Variants in TUSC3 observed in about 807,000 individuals in gnomAD.
The protein encoded by TUSC3 is dolichyl-diphosphooligosaccharide--protein glycosyltransferase subunit TUSC3.
Under a neutral mutation model 44.8 loss-of-function variants are expected in TUSC3, and 45 were observed. That is an observed-to-expected ratio of 1.00 (90% CI 0.79 to 1.29). The LOEUF (loss-of-function observed/expected upper bound fraction) is 1.29. Among genes scored for constraint, TUSC3 ranks in the 50% most tolerant of loss-of-function variants. TUSC3 has a pLI of 0.00. For synonymous variants in TUSC3, 212 were observed against 152.9 expected, an observed-to-expected ratio of 1.39 and a Z score of -2.85; for missense variants, 519 against 437.9, an observed-to-expected ratio of 1.19 and a Z score of -1.65.
intron 2 of TUSC3, among the ~76,000 whole-genome samples, chr8:15,496,370 T>G (rs759957310): frequency 9.9e-5 from 15 of 152,218 alleles, no homozygotes; most frequent in Non-Finnish European, 2.2e-4. Context: ...AACTGTGAAT[T>G]TGTGCTGTCT....
At chr8:15,491,332 C>A (rs375869381) in intron 2 of TUSC3, among the ~76,000 whole-genome samples, 1 of 152,002 alleles carries the variant, frequency 6.6e-6, no homozygotes, top group Non-Finnish European at 1.5e-5. Flanking sequence ...GTGAGTAATA[C>A]GTGAGGGAGG....
At chr8:15,754,198 AG>A (rs1811825343) in intron 9 of TUSC3, among the ~76,000 whole-genome samples, 1 of 152,114 alleles carries the variant, frequency 6.6e-6, no homozygotes, top group Non-Finnish European at 1.5e-5. Flanking sequence ...ATACTCCCGA[AG>A]GTATTTCCTG....
chr8:15,810,099 G>C, the TUSC3 span, among the ~76,000 whole-genome samples: 1 of 152,114 alleles, frequency 6.6e-6, no homozygotes, highest in Non-Finnish European at 1.5e-5. Context: ...GGTTCTCATA[G>C]TGTGTCCTTG....
At chr8:15,726,255 A>C (rs1810489917) in intron 6 of TUSC3, among the ~76,000 whole-genome samples, 1 of 152,138 alleles carries the variant, frequency 6.6e-6, no homozygotes, top group African/African-American at 2.4e-5. Context: ...TGATATTGCC[A>C]TATAAGAGGT....
intron 10 of TUSC3, among the ~76,000 whole-genome samples, chr8:15,763,932 A>G (rs981554387): frequency 2.6e-5 from 4 of 152,074 alleles, no homozygotes; most frequent in Non-Finnish European, 5.9e-5. Context: ...TGTTCTAGCC[A>G]GCAATGAAAG....
At chr8:15,659,685 G>A (rs763666128) in intron 4 of TUSC3, 38 bp downstream of exon 4, 1 of 1,607,518 alleles carries the variant, frequency 6.2e-7, no homozygotes, top group Admixed American at 1.7e-5. Context: ...TAATAGGCTG[G>A]TTAGTTTGTT....
chr8:15,430,014 C>T (rs992057435), intron 1 of TUSC3, among the ~76,000 whole-genome samples: 2 of 151,454 alleles, frequency 1.3e-5, no homozygotes, highest in South Asian at 2.1e-4. Context: ...AAATCCAGGA[C>T]CAGATGGATT....
chr8:15,793,920 T>G, the TUSC3 span, among the ~76,000 whole-genome samples: 2 of 152,148 alleles, frequency 1.3e-5, no homozygotes, highest in East Asian at 1.9e-4. Flanking sequence ...CTTAGTGTGT[T>G]TGAGGAAACC....
In TUSC3 at chr8:15,418,631, G is replaced by A. The variant is rs1330057185; in HGVS notation, n.91+1326G>A. On this transcript the variant is annotated intron_variant and non_coding_transcript_variant, in intron 1 of 5. Coordinates refer to the TUSC3 transcript ENST00000503191. ...AATGTGAAATAGGAGGAGAGTAATC[G>A]GTCAGATGAAATTGAAGTCAACAAG... is the stretch of plus-strand genomic sequence containing the variant. Among the ~76,000 whole-genome samples, 4 of 152,220 alleles carry A rather than the reference G, an allele frequency of 2.6e-5. No homozygotes were observed. In the East Asian group the frequency reaches 7.7e-4, roughly 29 times the overall value.
chr8:15,609,114 T>A (rs890393642), intron 1 of TUSC3, among the ~76,000 whole-genome samples: 1 of 152,236 alleles, frequency 6.6e-6, no homozygotes, highest in Non-Finnish European at 1.5e-5. Context: ...TTTTAGTGAC[T>A]GATTTGTGTG....
intron 1 of TUSC3, among the ~76,000 whole-genome samples, chr8:15,565,070 C>G (rs952205279): frequency 2.8e-4 from 42 of 151,938 alleles, no homozygotes; most frequent in African/African-American, 1.0e-3. Context: ...AATCGATTAT[C>G]TTACAGTTCT....
At chr8:15,486,843 A>T (rs767988608) in intron 2 of TUSC3, among the ~76,000 whole-genome samples, 3 of 152,226 alleles carry the variant, frequency 2.0e-5, no homozygotes, top group Non-Finnish European at 4.4e-5. Context: ...TAGCACTGCA[A>T]ATATATCTTT....
chr8:15,528,451 T>C (rs915282403), intron 2 of TUSC3, among the ~76,000 whole-genome samples: 1 of 152,210 alleles, frequency 6.6e-6, no homozygotes, highest in South Asian at 2.1e-4. Context: ...GTTGAATCGG[T>C]CAATTGTACC....
chr8:15,729,149 G>C (rs1433945004), intron 6 of TUSC3, among the ~76,000 whole-genome samples: 1 of 152,178 alleles, frequency 6.6e-6, no homozygotes, highest in African/African-American at 2.4e-5. Context: ...CTATTTTGCA[G>C]TTGTTACGTA....
At chr8:15,814,499 A>T in the TUSC3 span, among the ~76,000 whole-genome samples, 1 of 152,198 alleles carries the variant, frequency 6.6e-6, no homozygotes, top group Non-Finnish European at 1.5e-5. Flanking sequence ...TATACATTTG[A>T]TTCAACAATT....
chr8:15,506,270 C>T (rs1470330358), intron 2 of TUSC3, among the ~76,000 whole-genome samples: 3 of 152,174 alleles, frequency 2.0e-5, no homozygotes, highest in Admixed American at 6.6e-5. Context: ...CCACTCTCCC[C>T]TGAGGCTAGT....
At chr8:15,624,312 C>T (rs145785258) in intron 2 of TUSC3, among the ~76,000 whole-genome samples, 6 of 152,110 alleles carry the variant, frequency 3.9e-5, no homozygotes, top group South Asian at 2.1e-4. Flanking sequence ...GTGAACTTAC[C>T]GTTTTTCTGG....
At chr8:15,678,334 C>T (rs955081661) in intron 6 of TUSC3, among the ~76,000 whole-genome samples, 24 of 151,624 alleles carry the variant, frequency 1.6e-4, no homozygotes, top group African/African-American at 4.8e-4. Context: ...GCATTAAGGG[C>T]AAAGAAATAT....
chr8:15,448,924 T>G (rs569332497), intron 1 of TUSC3, among the ~76,000 whole-genome samples: 2 of 152,314 alleles, frequency 1.3e-5, no homozygotes, highest in South Asian at 4.1e-4. Flanking sequence ...CATAGTGCTT[T>G]TACTTTATTT....
Sources: gnomAD v4.1 joint callset for allele counts (sites outside exome capture counted in the v4.1 genomes callset) on GRCh38, gnomAD v4.1.1 for gene constraint, MANE v1.5 for transcripts, NCBI Gene and HGNC (gene_info 2026-07-23, HGNC 2026-07-21) for gene names.